Variants in DGKK observed in about 807,000 individuals in gnomAD.
The protein encoded by DGKK is diacylglycerol kinase kappa.
DGKK carries 35 observed loss-of-function variants against 92.2 expected under a neutral mutation model. That is an observed-to-expected ratio of 0.38 (90% CI 0.29 to 0.50). The LOEUF is 0.50. Among genes scored for constraint, DGKK ranks in the 20% least tolerant of loss-of-function variants. The pLI is 0.92. For synonymous variants in DGKK, 368 were observed against 360.6 expected (o/e 1.02, Z -0.23); for missense variants, 910 against 992.2 (o/e 0.92, Z 1.11).
intron 15 of DGKK, among the ~76,000 whole-genome samples, 188 bp downstream of exon 15, chrX:50,386,170 C>A (rs1924538927): frequency 1.8e-5 from 2 of 111,309 alleles, no homozygotes; most frequent in South Asian, 7.6e-4. Flanking sequence ...GCCAAAGGGG[C>A]AGCTTAGCAG....
chrX:50,467,236 A>G (rs1385034399), intron 1 of DGKK, among the ~76,000 whole-genome samples: 1 of 112,468 alleles, frequency 8.9e-6, no homozygotes, highest in Non-Finnish European at 1.9e-5. Context: ...AGAAATAGAC[A>G]TGTTTGGTTC....
intron 4 of DGKK, among the ~76,000 whole-genome samples, chrX:50,417,806 C>A (rs1310532676): frequency 9.0e-6 from 1 of 110,604 alleles, no homozygotes; most frequent in East Asian, 2.9e-4. Flanking sequence ...CTTATCAATT[C>A]TCTTCCCTTT....
At chrX:50,419,827 A>G (rs58542240) in intron 4 of DGKK, among the ~76,000 whole-genome samples, 4,178 of 111,681 alleles carry the variant, frequency 0.037, 191 homozygotes, top group African/African-American at 0.13. Flanking sequence ...ACCACCAGGT[A>G]AAAAAGAACC....
chrX:50,465,659 A>G (rs1926882464), intron 1 of DGKK, among the ~76,000 whole-genome samples: 1 of 111,042 alleles, frequency 9.0e-6, no homozygotes, highest in Admixed American at 9.6e-5. Flanking sequence ...CTCTGGGAGC[A>G]TCAGAAGTGG....
intron 7 of DGKK, 46 bp downstream of exon 7, chrX:50,403,015 C>T (rs782706255): frequency 4.4e-5 from 52 of 1,193,341 alleles, no homozygotes; most frequent in Middle Eastern, 2.4e-4. Context: ...GCCACTCCCT[C>T]GCCAGGAGTT....
intron 1 of DGKK, among the ~76,000 whole-genome samples, chrX:50,466,739 T>C (rs1300734944): frequency 1.8e-5 from 2 of 111,733 alleles, no homozygotes; most frequent in African/African-American, 3.3e-5. Flanking sequence ...CCACCCCTAT[T>C]TTTGAGAAGC....
At chrX:50,385,382 C>T (rs782337646) in intron 15 of DGKK, among the ~76,000 whole-genome samples, 26 of 111,781 alleles carry the variant, frequency 2.3e-4, no homozygotes, top group African/African-American at 8.5e-4. Flanking sequence ...TCAATCTCTA[C>T]CCCTACCAGG....
At chrX:50,426,471 G>A (rs1263097990) in intron 1 of DGKK, among the ~76,000 whole-genome samples, 1 of 111,755 alleles carries the variant, frequency 8.9e-6, no homozygotes, top group Non-Finnish European at 1.9e-5. Context: ...CTATGAGCAA[G>A]AAGGAGAAAT....
rs1412300913 is a variant in DGKK, at chrX:50,406,140, GCAAGGTTTCA to G, written c.943-1966_943-1957del. Among the ~76,000 whole-genome samples the G allele has an allele frequency of 4.5e-5, 5 of 112,199 alleles. No homozygotes were observed. In the Admixed American group the frequency reaches 4.7e-4, roughly 11 times the overall value. On this transcript the variant is annotated intron_variant, in intron 4 of 27. Coordinates refer to ENST00000611977, the MANE Select transcript of DGKK (RefSeq NM_001013742.4). ...GACAAGTGAAGCTCTTCTAGAATGT[GCAAGGTTTCA>G]CAGGACTGCGTGGAAGAAATTCAGA...
intron 1 of DGKK, among the ~76,000 whole-genome samples, chrX:50,425,018 C>T (rs1557229564): frequency 8.9e-6 from 1 of 112,015 alleles, no homozygotes. Flanking sequence ...TGATCCTAAC[C>T]AAGCATAGAG....
intron 1 of DGKK, among the ~76,000 whole-genome samples, chrX:50,433,925 G>A (rs186036404): frequency 2.7e-5 from 3 of 111,704 alleles, no homozygotes; most frequent in African/African-American, 9.8e-5. Flanking sequence ...CAGGACATCA[G>A]TTAGCTTATC....
intron 1 of DGKK, among the ~76,000 whole-genome samples, chrX:50,466,166 C>G (rs1408418873): frequency 9.1e-6 from 1 of 109,416 alleles, no homozygotes; most frequent in East Asian, 2.9e-4. Flanking sequence ...ACTTCATTAT[C>G]TTTTCTAGAA....
chrX:50,420,695 T>C (rs782807001), intron 3 of DGKK, among the ~76,000 whole-genome samples, 188 bp from the exon 4 acceptor site: 1 of 112,099 alleles, frequency 8.9e-6, no homozygotes, highest in East Asian at 2.8e-4. Context: ...ATAATAATGC[T>C]AATAGCAATA....
chrX:50,466,847 T>C (rs1248903446), intron 1 of DGKK, among the ~76,000 whole-genome samples: 1 of 111,818 alleles, frequency 8.9e-6, no homozygotes, highest in Non-Finnish European at 1.9e-5. Context: ...ATCAGTTTTG[T>C]GCATAAAAGC....
chrX:50,470,298 T>G lies in DGKK; in HGVS notation c.381A>C (p.Pro127=). 3 of 1,207,892 alleles carry G rather than the reference T, an allele frequency of 2.5e-6. No individual in the cohort carries two copies. The highest frequency in any genetic ancestry group is 3.4e-6 in the Non-Finnish European group (3 of 893,632). ...PATESAPEPT[P]EPALESVPEP... is the part of the protein sequence containing the mutation. ...CTGGGACCGACTCTAGGGCAGGTTC[T>G]GGAGTCGGCTCTGGGGCAGACTCTG... The change falls in exon 1 of 28, where the codon CCA becomes CCC. Residue 127 remains proline, a synonymous_variant. Coordinates refer to ENST00000611977, the MANE Select transcript of DGKK (RefSeq NM_001013742.4).
rs1184013850 is a variant in DGKK, at chrX:50,384,657, C to A, written c.2452+63G>T. ...GATGCATAAAAAATACATATTTATT[C>A]TTTGGGAGCTAAACAACAGTGACGA... On this transcript the variant is annotated intron_variant, in intron 16 of 27. Coordinates refer to ENST00000611977, the MANE Select transcript of DGKK (RefSeq NM_001013742.4). 3 of 1,020,809 alleles carry A rather than the reference C, an allele frequency of 2.9e-6. No individual in the cohort carries two copies. The East Asian group carries it at 9.2e-5, about 31-fold the overall frequency. 84.1% of individuals were successfully genotyped at this position (1,020,809 alleles called of 1,213,427 possible). A position where few individuals can be genotyped will look rare whatever the true frequency, so the allele number is the denominator to read the frequency against.
intron 22 of DGKK, 82 bp downstream of exon 22, chrX:50,378,016 T>G: frequency 9.2e-7 from 1 of 1,081,097 alleles, no homozygotes; most frequent in African/African-American, 1.9e-5. Flanking sequence ...TTTGAGGAAT[T>G]CTGCTTGAGT....
At chrX:50,453,921 T>C (rs1435798471) in intron 1 of DGKK, among the ~76,000 whole-genome samples, 1 of 109,378 alleles carries the variant, frequency 9.1e-6, no homozygotes, top group Non-Finnish European at 1.9e-5. Context: ...CTATGCTACC[T>C]CCTCTGACCA....
At chrX:50,424,107 G>T (rs1925673104) in intron 2 of DGKK, 141 bp downstream of exon 2, 1 of 435,226 alleles carries the variant, frequency 2.3e-6, no homozygotes, top group South Asian at 6.4e-5. Context: ...TGACCCAAAA[G>T]GGCAAGTTAA....
Sources: gnomAD v4.1 joint callset for allele counts (sites outside exome capture counted in the v4.1 genomes callset) on GRCh38, gnomAD v4.1.1 for gene constraint, MANE v1.5 for transcripts, NCBI Gene and HGNC (gene_info 2026-07-23, HGNC 2026-07-21) for gene names.